The following TPO variants were observed in gnomAD, a reference collection of about 807,000 sequenced individuals.
TPO encodes the protein thyroid microsomal antigen.
TPO carries 78 observed loss-of-function variants against 96.9 expected under a neutral mutation model. That is an observed-to-expected ratio of 0.81 (90% CI 0.67 to 0.97). TPO has a LOEUF of 0.97. TPO is among the 50% of genes least tolerant of loss of function. The probability of loss-of-function intolerance (pLI) is 0.00; values close to 1 mark genes in which losing one functional copy is unlikely to be tolerated. For synonymous variants in TPO, 547 were observed against 538.0 expected (o/e 1.02, Z -0.23); for missense variants, 1,252 against 1,274.8 (o/e 0.98, Z 0.27).
intron 11 of TPO, among the ~76,000 whole-genome samples, chr2:1,494,941 T>C (rs1178009028): frequency 1.3e-5 from 2 of 152,058 alleles, no homozygotes; most frequent in African/African-American, 4.8e-5. Context: ...TGGGTAGAAA[T>C]CACCAGGAGA....
At chr2:1,454,620 G>T (rs28909411) in intron 6 of TPO, among the ~76,000 whole-genome samples, 1,845 of 152,242 alleles carry the variant, frequency 0.012, 36 homozygotes, top group African/African-American at 0.042. Flanking sequence ...CAAGGCAATT[G>T]GGCTCACGCT....
intron 9 of TPO, among the ~76,000 whole-genome samples, chr2:1,485,470 G>C (rs1056949641): frequency 1.1e-4 from 17 of 152,032 alleles, no homozygotes; most frequent in African/African-American, 3.9e-4. Flanking sequence ...AGATGCTTGA[G>C]GAATCGCCAC....
intron 14 of TPO, among the ~76,000 whole-genome samples, chr2:1,504,659 A>G (rs1406710455): frequency 6.6e-6 from 1 of 152,158 alleles, no homozygotes; most frequent in African/African-American, 2.4e-5. Flanking sequence ...GCTACGCCCA[A>G]ACTTTTGACG....
intron 7 of TPO, among the ~76,000 whole-genome samples, chr2:1,471,838 A>G (rs1309451524): frequency 1.3e-5 from 2 of 152,192 alleles, no homozygotes; most frequent in Non-Finnish European, 2.9e-5. Context: ...TGCCCTTGCT[A>G]TGATCTCAGC....
chr2:1,534,358 A>C (rs1202723620), intron 15 of TPO, among the ~76,000 whole-genome samples: 3 of 108,612 alleles, frequency 2.8e-5, no homozygotes, highest in Non-Finnish European at 3.8e-5. Flanking sequence ...TAAGTCGTCC[A>C]ACTGTGTTCA....
Position 1,436,299 on chromosome 2 carries a change from T to C in TPO, c.397T>C (p.Cys133Arg). 1 of 1,614,236 alleles carries C rather than the reference T, an allele frequency of 6.2e-7. No individual in the cohort carries two copies. The highest frequency in any genetic ancestry group is 8.5e-7 in the Non-Finnish European group (1 of 1,180,042). ...GAGCATCATTGCAAACATGTCTGGA[T>C]GTCTCCCTTACATGCTGCCCCCAAA... is the stretch of plus-strand genomic sequence containing the variant. ...LLSIIANMSG[C>R]LPYMLPPKCP... Residue 133 changes from cysteine (C) to arginine (R), a missense_variant, in exon 5 of 17, where the codon TGT (cysteine) becomes CGT (arginine). Cys to Arg is a radical substitution (Grantham distance 180). Transcript: ENST00000329066.
intron 15 of TPO, among the ~76,000 whole-genome samples, chr2:1,537,451 CCCACTGTGTGCAACCTCCTCAAATTCTT>C: frequency 9.1e-6 from 1 of 109,936 alleles, no homozygotes; most frequent in Admixed American, 9.3e-5. Flanking sequence ...CCCAAATCTC[CCCACTGTGTGCAACCTCCTCAAATTCTT>C]CCACTCTGTG....
intron 2 of TPO, among the ~76,000 whole-genome samples, chr2:1,418,128 CAAA>C (rs897785287): frequency 1.1e-4 from 16 of 150,968 alleles, no homozygotes; most frequent in African/African-American, 3.9e-4. Context: ...ACTAAAAATA[CAAA>C]AAAAAATTAG....
At chr2:1,490,590 G>A (rs535222611) in intron 10 of TPO, among the ~76,000 whole-genome samples, 18 of 152,084 alleles carry the variant, frequency 1.2e-4, no homozygotes, top group Admixed American at 5.9e-4. Flanking sequence ...CACCGTAGAA[G>A]GCCGGACTGC....
intron 2 of TPO, among the ~76,000 whole-genome samples, chr2:1,416,448 T>A (rs1029258250): frequency 6.6e-6 from 1 of 152,268 alleles, no homozygotes; most frequent in African/African-American, 2.4e-5. Context: ...TGTAACATGT[T>A]TTTTAATTTT....
chr2:1,430,369 C>T (rs147808805), intron 3 of TPO, among the ~76,000 whole-genome samples: 9 of 152,320 alleles, frequency 5.9e-5, no homozygotes, highest in Admixed American at 2.0e-4. Flanking sequence ...AGTAGCTTCC[C>T]CTAGATTTCA....
chr2:1,536,837 C>T (rs1397999128), intron 15 of TPO, among the ~76,000 whole-genome samples: 3 of 143,022 alleles, frequency 2.1e-5, no homozygotes, highest in Admixed American at 7.3e-5. Context: ...TGTGCAACCT[C>T]CCCAAATCCC....
chr2:1,537,418 A>AAT (rs1680008196), intron 15 of TPO, among the ~76,000 whole-genome samples: 1 of 131,568 alleles, frequency 7.6e-6, no homozygotes, highest in South Asian at 2.6e-4. Flanking sequence ...AACCTCCCCA[A>AAT]ACCCTCCCAT....
intron 6 of TPO, among the ~76,000 whole-genome samples, chr2:1,455,616 G>A (rs112608773): frequency 9.5e-4 from 144 of 152,286 alleles, no homozygotes; most frequent in Non-Finnish European, 1.6e-3. Context: ...GGAAAGGAAG[G>A]GGAGTCACTC....
intron 14 of TPO, chr2:1,512,449 C>T (rs917319585): frequency 3.8e-5 from 37 of 985,350 alleles, no homozygotes; most frequent in Middle Eastern, 5.2e-4. Context: ...GACCAGCGCC[C>T]GTGCTCAGGG....
At chr2:1,432,027 C>T (rs1044716216) in intron 3 of TPO, among the ~76,000 whole-genome samples, 14 of 152,284 alleles carry the variant, frequency 9.2e-5, no homozygotes, top group African/African-American at 3.1e-4. Context: ...CACACACCTG[C>T]CGTGGTCACT....
chr2:1,478,503 C>T (rs1670209256), intron 8 of TPO, among the ~76,000 whole-genome samples: 1 of 152,224 alleles, frequency 6.6e-6, no homozygotes, highest in Non-Finnish European at 1.5e-5. Flanking sequence ...GCACCATGCG[C>T]CCCTGCCGCT....
intron 10 of TPO, among the ~76,000 whole-genome samples, chr2:1,493,211 G>GGGC (rs1553321288): frequency 1.6e-5 from 2 of 123,424 alleles, no homozygotes; most frequent in Admixed American, 1.6e-4. Flanking sequence ...TGAGTGGGTG[G>GGGC]GGGGGGGGGT....
chr2:1,466,532 G>A (rs1668914065), intron 7 of TPO, among the ~76,000 whole-genome samples: 1 of 151,998 alleles, frequency 6.6e-6, no homozygotes, highest in African/African-American at 2.4e-5. Context: ...GACTTTTTTT[G>A]TTGGTAATTT....
Sources: allele counts gnomAD v4.1 joint callset (sites outside exome capture counted in the v4.1 genomes callset), GRCh38; gene constraint gnomAD v4.1.1; transcripts MANE v1.5; gene names NCBI Gene and HGNC (gene_info 2026-07-23, HGNC 2026-07-21).